The following EVI5 variants were observed in gnomAD, a reference collection of about 807,000 sequenced individuals.
The protein encoded by EVI5 is ecotropic viral integration site 5 protein homolog.
In EVI5, 73 loss-of-function variants were observed where a neutral mutation model predicts 112.0. The ratio of observed to expected loss-of-function variants is 0.65; its 90% CI spans 0.54 to 0.79. The LOEUF is 0.79. EVI5 is among the 30% of genes least tolerant of loss of function. The pLI is 0.00. For missense variants in EVI5, 900 were observed against 968.8 expected (o/e 0.93, Z 0.94); for synonymous variants, 305 against 319.9 (o/e 0.95, Z 0.50).
intron 3 of EVI5, 82 bp downstream of exon 3, chr1:92,704,473 G>C: frequency 1.2e-6 from 1 of 829,788 alleles, no homozygotes; most frequent in Admixed American, 2.7e-5. Context: ...TTGTATTTGG[G>C]GTTTTTTTCC....
chr1:92,593,909 T>C (rs867323209), intron 18 of EVI5, among the ~76,000 whole-genome samples: 22 of 152,040 alleles, frequency 1.4e-4, no homozygotes, highest in Admixed American at 1.2e-3. Flanking sequence ...CACTGCTCAA[T>C]GAAATAAAGG....
rs181919212 is a variant in EVI5, at chr1:92,659,491, A to G, written c.1392+3228T>C. 3.6e-4 allele frequency among the ~76,000 whole-genome samples: 55 copies of G among 152,258 alleles called. 2 individuals carry two copies. In the East Asian group the frequency reaches 0.01, roughly 28 times the overall value. On this transcript the variant is annotated intron_variant, in intron 13 of 19. Coordinates refer to ENST00000684568, the MANE Select transcript of EVI5 (RefSeq NM_001350197.2). Reference sequence around the variant, plus strand: ...CATACAAATGGCTAACAAACATATGAAAAAAATGCTCAACATCACTATCAT... The same window carrying G: ...CATACAAATGGCTAACAAACATATGGAAAAAATGCTCAACATCACTATCAT...
At chr1:92,666,854 T>C (rs1572191730) in intron 10 of EVI5, among the ~76,000 whole-genome samples, 1 of 152,224 alleles carries the variant, frequency 6.6e-6, no homozygotes, top group Non-Finnish European at 1.5e-5. Context: ...TATTTTCTTA[T>C]GTGTTTTAAC....
At chr1:92,655,680 T>C (rs1423267097) in intron 13 of EVI5, among the ~76,000 whole-genome samples, 2 of 152,110 alleles carry the variant, frequency 1.3e-5, no homozygotes, top group Non-Finnish European at 2.9e-5. Context: ...TAGCTATCTT[T>C]GTATCAGATA....
chr1:92,628,802 G>A (rs973160530), intron 14 of EVI5, among the ~76,000 whole-genome samples: 1 of 152,184 alleles, frequency 6.6e-6, no homozygotes, highest in Admixed American at 6.5e-5. Flanking sequence ...TGCTCATAGG[G>A]ATGATGGAAT....
chr1:92,695,505 A>C (rs965263423), intron 6 of EVI5, 52 bp from the exon 7 acceptor site: 2 of 1,195,500 alleles, frequency 1.7e-6, no homozygotes, highest in Non-Finnish European at 2.4e-6. Context: ...AGTATTTTAA[A>C]TTAGATTATA....
At chr1:92,644,170 A>G (rs1410707688) in intron 13 of EVI5, among the ~76,000 whole-genome samples, 1 of 152,232 alleles carries the variant, frequency 6.6e-6, no homozygotes, top group African/African-American at 2.4e-5. Flanking sequence ...AACCAAACCT[A>G]GCATGGAAAT....
intron 19 of EVI5, among the ~76,000 whole-genome samples, chr1:92,541,923 G>A (rs532797284): frequency 2.9e-4 from 44 of 152,362 alleles, no homozygotes; most frequent in African/African-American, 8.9e-4. Flanking sequence ...TGGTCAGCAA[G>A]TAATGGATCT....
intron 16 of EVI5, among the ~76,000 whole-genome samples, chr1:92,609,914 T>C (rs1266642517): frequency 2.6e-5 from 4 of 151,938 alleles, no homozygotes; most frequent in Non-Finnish European, 4.4e-5. Context: ...TCACAGGAGC[T>C]TGCTCTGTTG....
chr1:92,696,429 C>T (rs1670329725), intron 6 of EVI5, among the ~76,000 whole-genome samples: 1 of 151,742 alleles, frequency 6.6e-6, no homozygotes, highest in African/African-American at 2.4e-5. Context: ...ACCTGGACAA[C>T]AGAGTGAAAC....
intron 13 of EVI5, among the ~76,000 whole-genome samples, chr1:92,660,374 T>C (rs1663768569): frequency 1.3e-5 from 2 of 151,948 alleles, no homozygotes; most frequent in Non-Finnish European, 2.9e-5. Flanking sequence ...CTAAAAAAGT[T>C]GATCTCATAG....
chr1:92,590,913 T>G (rs566034563), intron 18 of EVI5, among the ~76,000 whole-genome samples: 33 of 152,336 alleles, frequency 2.2e-4, no homozygotes, highest in Admixed American at 8.5e-4. Flanking sequence ...ACAGCTGATC[T>G]CTCAGCAGAA....
upstream of EVI5, among the ~76,000 whole-genome samples, chr1:92,786,426 CTCAA>C (rs771766157): frequency 2.0e-5 from 3 of 152,150 alleles, no homozygotes; most frequent in Non-Finnish European, 2.9e-5. Context: ...TTTATTGCAA[CTCAA>C]TCCTTGTATA....
At chr1:92,678,441 G>A (rs182229623) in intron 9 of EVI5, among the ~76,000 whole-genome samples, 1 of 152,196 alleles carries the variant, frequency 6.6e-6, no homozygotes, top group Admixed American at 6.5e-5. Context: ...TGAGGTGGGA[G>A]GATTGCTTGA....
At chr1:92,589,071 G>A (rs543178536) in intron 18 of EVI5, among the ~76,000 whole-genome samples, 9 of 152,154 alleles carry the variant, frequency 5.9e-5, no homozygotes, top group Admixed American at 1.3e-4. Flanking sequence ...CACGAAATCA[G>A]GTAAGATGGC....
At chr1:92,760,402 C>G (rs1275207534) in intron 1 of EVI5, among the ~76,000 whole-genome samples, 1 of 152,040 alleles carries the variant, frequency 6.6e-6, no homozygotes, top group Non-Finnish European at 1.5e-5. Flanking sequence ...TCCCTAATGA[C>G]GAGCACAGCA....
chr1:92,645,442 T>A (rs2101993980), intron 13 of EVI5, among the ~76,000 whole-genome samples: 1 of 152,298 alleles, frequency 6.6e-6, no homozygotes, highest in East Asian at 1.9e-4. Flanking sequence ...CTCCTAGAAG[T>A]CCACTGTGGG....
At chr1:92,605,448 G>A in intron 17 of EVI5, 46 bp from the exon 18 acceptor site, 1 of 1,311,296 alleles carries the variant, frequency 7.6e-7, no homozygotes, top group Admixed American at 1.7e-5. Flanking sequence ...AGGTGTGTTT[G>A]GAATTCAGAT....
At chr1:92,678,122 A>G (rs778531512) in intron 9 of EVI5, among the ~76,000 whole-genome samples, 3 of 152,212 alleles carry the variant, frequency 2.0e-5, no homozygotes, top group Non-Finnish European at 4.4e-5. Flanking sequence ...TATCTGGGTG[A>G]TGGGATCATT....
Sources: gnomAD v4.1 joint callset for allele counts (sites outside exome capture counted in the v4.1 genomes callset) on GRCh38, gnomAD v4.1.1 for gene constraint, MANE v1.5 for transcripts, NCBI Gene and HGNC (gene_info 2026-07-23, HGNC 2026-07-21) for gene names.